Variants in SFXN5 observed in about 807,000 individuals in gnomAD.
The protein encoded by SFXN5 is sideroflexin-5.
In SFXN5, 43 loss-of-function variants were observed where a neutral mutation model predicts 50.2. The ratio of observed to expected loss-of-function variants is 0.86; its 90% confidence interval spans 0.67 to 1.11. The LOEUF (loss-of-function observed/expected upper bound fraction) is 1.11, where lower values mean the gene tolerates loss of function less well. SFXN5 is among the 50% of genes least tolerant of loss of function. The pLI is 0.00. For synonymous variants in SFXN5, 203 were observed against 185.8 expected, an observed-to-expected ratio of 1.09 and a Z score of -0.75; for missense variants, 463 against 454.1, an observed-to-expected ratio of 1.02 and a Z score of -0.18.
At chr2:72,958,837 CATGAG>C (rs1281474324) in intron 13 of SFXN5, among the ~76,000 whole-genome samples, 4 of 152,160 alleles carry the variant, frequency 2.6e-5, no homozygotes, top group Admixed American at 2.6e-4. Context: ...CCGCTGTGGG[CATGAG>C]ATGAGGTCCT....
chr2:73,030,240 T>A (rs1678132575), intron 3 of SFXN5, among the ~76,000 whole-genome samples: 1 of 152,212 alleles, frequency 6.6e-6, no homozygotes, highest in African/African-American at 2.4e-5. Flanking sequence ...GTCTAGCTCA[T>A]CACTGCACTG....
Position 73,001,401 on chromosome 2 carries a change from G to C in SFXN5, c.411+124C>G, listed in dbSNP as rs560152256. 1.5e-4 allele frequency: 143 copies of C among 939,994 alleles called. 1 individual carries two copies. In the South Asian group the frequency reaches 1.9e-3, roughly 13 times the overall value. The allele number at this position is 939,994 out of a possible 1,614,324, so 58.2% of individuals were successfully genotyped here. A position where few individuals can be genotyped will look rare whatever the true frequency, so the allele number is the denominator to read the frequency against. The stretch of plus-strand genomic sequence containing the variant: ...TTCAGTGGCTTCTGGGCTAGGGGTG[G>C]TGTTGGGGTGGACTGACCCTACACG... On this transcript the variant is annotated intron_variant, in intron 7 of 13. Coordinates refer to ENST00000272433, the MANE Select transcript of SFXN5 (RefSeq NM_144579.3).
At chr2:72,975,311 A>C (rs1427476938) in intron 10 of SFXN5, among the ~76,000 whole-genome samples, 1 of 152,196 alleles carries the variant, frequency 6.6e-6, no homozygotes, top group Non-Finnish European at 1.5e-5. Context: ...ATGTGCAAGA[A>C]AGTTCTCCAA....
chr2:73,000,372 G>T, intron 8 of SFXN5, 59 bp downstream of exon 8: 1 of 1,499,306 alleles, frequency 6.7e-7, no homozygotes. Context: ...GCTGTAGGGA[G>T]GATGACTGGG....
Position 72,944,453 on chromosome 2 carries a change from T to C in SFXN5, c.*569A>G, listed in dbSNP as rs899356804. On this transcript the variant is annotated 3_prime_UTR_variant, in exon 14 of 14. Transcript: ENST00000272433. The stretch of plus-strand genomic sequence containing the variant: ...TCCCTGGGCCACTGCCTGAGGACCC[T>C]AGTCATGGCTAGTTCATCCTGTGGG... 1 of 152,698 alleles carries C rather than the reference T, an allele frequency of 6.5e-6. No individual in the cohort carries two copies. Among genetic ancestry groups the C allele is most frequent in the African/African-American group, 2.4e-5 (1 of 41,416 alleles). 9.5% of individuals were successfully genotyped at this position (152,698 alleles called of 1,614,324 possible). A position where few individuals can be genotyped will look rare whatever the true frequency, so the allele number is the denominator to read the frequency against.
intron 13 of SFXN5, among the ~76,000 whole-genome samples, chr2:72,949,413 T>C (rs1399771600): frequency 6.6e-6 from 1 of 152,158 alleles, no homozygotes; most frequent in African/African-American, 2.4e-5. Context: ...AGCCTCAAAC[T>C]CTTGCCTCAG....
intron 3 of SFXN5, among the ~76,000 whole-genome samples, chr2:73,026,843 C>T (rs899149079): frequency 6.6e-6 from 1 of 152,124 alleles, no homozygotes; most frequent in South Asian, 2.1e-4. Flanking sequence ...ATTCTCCTGC[C>T]TCAGCCTCCC....
chr2:72,952,810 T>C (rs1026596733), intron 13 of SFXN5, among the ~76,000 whole-genome samples: 25 of 152,122 alleles, frequency 1.6e-4, no homozygotes, highest in Non-Finnish European at 2.5e-4. Flanking sequence ...ACCTGCGTGA[T>C]GCTGTGTAAA....
In SFXN5 at chr2:72,945,637, G is replaced by A. The variant is rs924453056; in HGVS notation, c.946-538C>T. 2.0e-5 allele frequency among the ~76,000 whole-genome samples: 3 copies of A among 151,956 alleles called. No homozygotes were observed. Among genetic ancestry groups the A allele is most frequent in the Non-Finnish European group, 4.4e-5 (3 of 67,998 alleles). ...CCACTCAGTCTTTACATCTTCCCCT[G>A]CAGTCCCGATTCCAGGGGCCATCCC... On this transcript the variant is annotated intron_variant, in intron 13 of 13. Coordinates refer to ENST00000272433, the MANE Select transcript of SFXN5 (RefSeq NM_144579.3). This position sits in a 1 kb window ranked among gnomAD's most constrained non-coding sequence, Gnocchi z 5.8.
chr2:72,959,979 A>G (rs949067554), intron 13 of SFXN5, among the ~76,000 whole-genome samples: 12 of 152,070 alleles, frequency 7.9e-5, no homozygotes, highest in Non-Finnish European at 4.4e-5. Flanking sequence ...CTGTAATCTC[A>G]TGGAGTGTGA....
At chr2:73,047,557 C>A (rs1412114257) in intron 2 of SFXN5, among the ~76,000 whole-genome samples, 2 of 151,452 alleles carry the variant, frequency 1.3e-5, no homozygotes, top group Non-Finnish European at 2.9e-5. Context: ...GGGCAATTTC[C>A]CCCATACTGT....
chr2:73,071,319 G>A (rs1285523840), intron 1 of SFXN5: 3 of 426,140 alleles, frequency 7.0e-6, no homozygotes, highest in Middle Eastern at 6.2e-4. Context: ...GACCGCAGCC[G>A]CCGGTGGCCA....
chr2:73,044,375 G>A (rs538113324), intron 2 of SFXN5: 10 of 152,424 alleles, frequency 6.6e-5, no homozygotes, highest in Middle Eastern at 3.4e-3. Flanking sequence ...GTCAAAGGCC[G>A]AGGGGCTGAG....
At chr2:73,050,385 A>AGC (rs796461818) in intron 2 of SFXN5, among the ~76,000 whole-genome samples, 683 of 66,416 alleles carry the variant, frequency 0.01, 9 homozygotes, top group African/African-American at 0.038. Context: ...CCGCAGCCAC[A>AGC]GCGCACGCAC....
At chr2:73,034,332 C>T (rs1159977754) in intron 3 of SFXN5, among the ~76,000 whole-genome samples, 1 of 152,226 alleles carries the variant, frequency 6.6e-6, no homozygotes, top group Admixed American at 6.5e-5. Flanking sequence ...GCCTTCCCTT[C>T]GGCATCTGAC....
At chr2:73,000,026 G>A (rs900861194) in intron 8 of SFXN5, among the ~76,000 whole-genome samples, 15 of 152,134 alleles carry the variant, frequency 9.9e-5, no homozygotes, top group African/African-American at 2.4e-4. Flanking sequence ...ACCTGGGAGC[G>A]CTAAGGCAGC....
At chr2:73,058,273 C>A in intron 2 of SFXN5, 1 of 387,476 alleles carries the variant, frequency 2.6e-6, no homozygotes, top group Admixed American at 3.9e-5. Context: ...TAATATCTAT[C>A]TTAAAGGGTT....
At chr2:72,991,112 G>C (rs907970218) in intron 9 of SFXN5, among the ~76,000 whole-genome samples, 40 of 152,254 alleles carry the variant, frequency 2.6e-4, no homozygotes, top group African/African-American at 9.2e-4. Context: ...GGTAGGCAGG[G>C]CTGGAGAGCA....
intron 3 of SFXN5, among the ~76,000 whole-genome samples, chr2:73,028,926 G>A (rs1279810919): frequency 6.6e-6 from 1 of 152,192 alleles, no homozygotes; most frequent in African/African-American, 2.4e-5. Context: ...GTGGCCCCGG[G>A]GAAATCACTT....
Sources: gnomAD v4.1 joint callset for allele counts (sites outside exome capture counted in the v4.1 genomes callset) on GRCh38, gnomAD v4.1.1 for gene constraint, Gnocchi (gnomAD v3.1) non-coding constraint, MANE v1.5 for transcripts, NCBI Gene and HGNC (gene_info 2026-07-23, HGNC 2026-07-21) for gene names.